Variants in THBS2 observed in about 807,000 individuals in gnomAD.
THBS2 encodes the protein thrombospondin 2.
THBS2 carries 47 observed loss-of-function variants against 135.2 expected under a neutral mutation model. The observed-to-expected ratio is 0.35, with a 90% CI of 0.28 to 0.44. THBS2 has a LOEUF of 0.44. THBS2 is among the 20% of genes least tolerant of loss of function. THBS2 has a pLI of 1.00. For missense variants in THBS2, 1,288 were observed against 1,603.1 expected (o/e 0.80, Z 3.36); for synonymous variants, 639 against 633.8 (o/e 1.01, Z -0.12).
intron 10 of THBS2, among the ~76,000 whole-genome samples, chr6:169,233,668 ACCCCAGG>A: frequency 7.7e-6 from 1 of 130,434 alleles, no homozygotes; most frequent in East Asian, 2.3e-4. Flanking sequence ...ACACAACTAC[ACCCCAGG>A]TGCCACACCA....
intron 15 of THBS2, among the ~76,000 whole-genome samples, chr6:169,227,827 A>T (rs548582850): frequency 4.6e-4 from 70 of 152,336 alleles, no homozygotes; most frequent in African/African-American, 1.5e-3. Flanking sequence ...CACGCCTGTA[A>T]TCCCAGCACT....
chr6:169,219,220 AGTGG>A (rs142817105), intron 21 of THBS2, among the ~76,000 whole-genome samples: 41,367 of 118,866 alleles, frequency 0.35, 6,193 homozygotes, highest in Middle Eastern at 0.44. Context: ...GAAATGGATG[AGTGG>A]GTGGGTGGGT....
chr6:169,249,809 T>G (rs1451455595), intron 2 of THBS2, among the ~76,000 whole-genome samples: 1 of 152,132 alleles, frequency 6.6e-6, no homozygotes, highest in African/African-American at 2.4e-5. Context: ...GGTGGGTGGA[T>G]CATGAGGTCA....
chr6:169,249,325 G>T (rs1020813280), intron 2 of THBS2, among the ~76,000 whole-genome samples: 7 of 152,184 alleles, frequency 4.6e-5, no homozygotes, highest in African/African-American at 1.7e-4. Context: ...TTCTTGGTGA[G>T]GGAATCCCGG....
intron 7 of THBS2, among the ~76,000 whole-genome samples, chr6:169,238,385 G>A (rs2115011004): frequency 6.6e-6 from 1 of 152,290 alleles, no homozygotes; most frequent in East Asian, 1.9e-4. Flanking sequence ...TTCCCGTGAG[G>A]AGAGAAGCCC....
At chr6:169,242,940 C>A (rs375437713) in intron 4 of THBS2, among the ~76,000 whole-genome samples, 16 of 70,402 alleles carry the variant, frequency 2.3e-4, no homozygotes, top group East Asian at 1.2e-3. Context: ...ACCTTCCCAC[C>A]TTCCCACCTT....
intron 12 of THBS2, among the ~76,000 whole-genome samples, 176 bp downstream of exon 12, chr6:169,232,488 C>G (rs986694627): frequency 6.6e-6 from 1 of 152,120 alleles, no homozygotes; most frequent in Non-Finnish European, 1.5e-5. Context: ...CGCCCCGCAC[C>G]CCGCGCGGAG....
chr6:169,225,076 A>G (rs964515382), intron 17 of THBS2, 69 bp downstream of exon 17: 6 of 1,465,162 alleles, frequency 4.1e-6, no homozygotes, highest in African/African-American at 1.4e-5. Flanking sequence ...CCGTGCATAC[A>G]TATCTCTGCC....
At chr6:169,226,675 A>G (rs1779641863) in intron 15 of THBS2, among the ~76,000 whole-genome samples, 1 of 152,254 alleles carries the variant, frequency 6.6e-6, no homozygotes, top group Non-Finnish European at 1.5e-5. Flanking sequence ...TCATCCATGC[A>G]CATGAGTAGG....
chr6:169,238,372 T>C (rs79601505), intron 7 of THBS2, among the ~76,000 whole-genome samples: 1,894 of 152,140 alleles, frequency 0.012, 33 homozygotes, highest in East Asian at 0.075. Context: ...ACGCCAGAAA[T>C]CATTCCCGTG....
intron 14 of THBS2, 50 bp from the exon 15 acceptor site, chr6:169,228,331 G>T (rs1779714586): frequency 6.2e-7 from 1 of 1,602,002 alleles, no homozygotes; most frequent in Admixed American, 1.7e-5. Context: ...AGGAATGTGT[G>T]TCGGGCCGTT....
chr6:169,217,713 A>C lies in THBS2; in HGVS notation c.*109T>G. The C allele has an allele frequency of 1.6e-6, 2 of 1,282,756 alleles. No individual in the cohort carries two copies. Among genetic ancestry groups the C allele is most frequent in the Non-Finnish European group, 2.2e-6 (2 of 919,196 alleles). 79.5% of individuals were successfully genotyped at this position (1,282,756 alleles called of 1,614,324 possible). On this transcript the variant is annotated 3_prime_UTR_variant, in exon 22 of 22. Coordinates refer to ENST00000617924, the MANE Select transcript of THBS2 (RefSeq NM_003247.5). ...TGAAGAACCATCAGAGTTAAGGTCA[A>C]GGGACAGGAGGTGCTGCTAGAGAGA...
In THBS2 at chr6:169,232,978, C is replaced by T. The variant is rs1347059621; in HGVS notation, c.1691G>A (p.Cys564Tyr). The change falls in exon 11 of 22, where the codon TGC becomes TAC. Residue 564 changes from cysteine to tyrosine, a missense_variant. Around this residue, in one of 2 missense-constraint regions of THBS2, gnomAD observed 874 missense variants for 1,156.1 expected, o/e 0.76. Transcript: ENST00000617924. ...CCAGGACCCATCGGGGAAGCTGCTG[C>T]ACTGGGCTCCCGGGAAGCAGGGGTT... The part of the protein sequence containing the change: ...LSNPCFPGAQ[C>Y]SSFPDGSWSC... The T allele has an allele frequency of 6.4e-7, 1 of 1,552,804 alleles. No homozygotes were observed.
intron 13 of THBS2, among the ~76,000 whole-genome samples, chr6:169,230,274 C>A (rs1583409506): frequency 6.6e-6 from 1 of 152,318 alleles, no homozygotes; most frequent in East Asian, 1.9e-4. Context: ...CTGAGCTGTG[C>A]AGACACTAAC....
chr6:169,246,308 A>C (rs1562364831), intron 3 of THBS2, 27 bp from the exon 4 acceptor site: 1 of 1,574,776 alleles, frequency 6.4e-7, no homozygotes, highest in African/African-American at 1.3e-5. Context: ...GCAGAAAAAT[A>C]GAGCAACAGA....
At position 169,234,829 on chromosome 6, in the gene THBS2, C is replaced by T. The variant is rs375396801; in HGVS notation, c.1556G>A (p.Arg519Gln). The T allele has an allele frequency of 2.1e-5, 34 of 1,613,184 alleles. No homozygotes were observed. The highest frequency in any genetic ancestry group is 6.7e-5 in the Admixed American group (4 of 59,954). Residue 519 changes from arginine (R) to glutamine (Q), a missense_variant, in exon 10 of 22, where the codon CGG becomes CAG. By Grantham distance (43) the Arg-to-Gln change is conservative. Coordinates refer to ENST00000617924, the MANE Select transcript of THBS2 (RefSeq NM_003247.5). ...TCAGGIRERT[R>Q]VCNSPEPQYG... ...CTGAGGCTCAGGGCTGTTGCAGACC[C>T]GGGTGCGCTCCCGGATCCCACCGGC...
chr6:169,248,889 C>G lies in THBS2; in HGVS notation c.137G>C (p.Arg46Pro), dbSNP rs190983506. 1.9e-6 allele frequency: 3 copies of G among 1,613,236 alleles called. No individual in the cohort carries two copies. The highest frequency in any genetic ancestry group is 2.5e-6 in the Non-Finnish European group (3 of 1,180,012). ...NRKTIGAKQF[R>P]GPDPGVPAYR... is the part of the protein sequence containing the mutation. ...AGCCGGCACGCCGGGGTCGGGCCCG[C>G]GGAACTGCTTGGCGCCAATGGTCTT... The change falls in exon 3 of 22, where the codon CGC becomes CCC. Residue 46 changes from arginine (R) to proline (P), a missense_variant. By Grantham distance (103) the Arg-to-Pro change is moderately radical. Transcript: ENST00000617924.
intron 2 of THBS2, among the ~76,000 whole-genome samples, chr6:169,249,908 T>C (rs1373411308): frequency 1.3e-5 from 2 of 151,948 alleles, no homozygotes; most frequent in African/African-American, 4.8e-5. Flanking sequence ...TGGGCGCTTG[T>C]AGTCCCAGCT....
rs765282531 is a variant in THBS2 at position 169,229,538 on chromosome 6, C to A, written c.2259+34G>T. The A allele has an allele frequency of 3.8e-6, 6 of 1,585,958 alleles. No homozygotes were observed. In the Admixed American group the frequency reaches 6.7e-5, roughly 18 times the overall value. On this transcript the variant is annotated intron_variant, in intron 14 of 21. Transcript: ENST00000617924. ...CCTGTGGACCTCGCTGCTCCTGGAA[C>A]CCAGGGCAGGTGCGCGGCACAAGCT...
Sources: gnomAD v4.1 joint callset for allele counts (sites outside exome capture counted in the v4.1 genomes callset) on GRCh38, gnomAD v4.1.1 for gene constraint, gnomAD v4.1.1 regional missense constraint, MANE v1.5 for transcripts, NCBI Gene and HGNC (gene_info 2026-07-23, HGNC 2026-07-21) for gene names.